The following CNTN5 variants were observed in gnomAD, a reference collection of about 807,000 sequenced individuals.
CNTN5 encodes the protein contactin 5.
CNTN5 carries 77 observed loss-of-function variants against 129.1 expected under a neutral mutation model. The observed-to-expected ratio is 0.60, with a 90% CI of 0.50 to 0.72. CNTN5 has a LOEUF of 0.72. Among genes scored for constraint, CNTN5 ranks in the 30% least tolerant of loss-of-function variants. The probability of loss-of-function intolerance (pLI) is 0.00; values close to 1 mark genes in which losing one functional copy is unlikely to be tolerated. For synonymous variants in CNTN5, 509 were observed against 465.6 expected, an observed-to-expected ratio of 1.09 and a Z score of -1.20; for missense variants, 1,478 against 1,328.8, an observed-to-expected ratio of 1.11 and a Z score of -1.75.
intron 9 of CNTN5, among the ~76,000 whole-genome samples, chr11:100,040,740 T>A (rs979985276): frequency 9.9e-5 from 15 of 152,198 alleles, no homozygotes; most frequent in South Asian, 2.1e-4. Flanking sequence ...GTGCTAGCAA[T>A]GAGCGAGACT....
chr11:99,221,090 C>T (rs1277156267), intron 1 of CNTN5, among the ~76,000 whole-genome samples: 1 of 151,824 alleles, frequency 6.6e-6, no homozygotes, highest in Non-Finnish European at 1.5e-5. Flanking sequence ...GAATTAAGAT[C>T]CAGAGGGTTA....
intron 2 of CNTN5, among the ~76,000 whole-genome samples, chr11:99,490,760 A>G (rs12290503): frequency 0.2 from 30,074 of 152,112 alleles, 3,160 homozygotes; most frequent in Admixed American, 0.24. Flanking sequence ...TGGTGAGTGA[A>G]GTGGAACAGT....
intron 4 of CNTN5, among the ~76,000 whole-genome samples, chr11:99,823,787 C>G (rs1406470241): frequency 6.6e-6 from 1 of 152,010 alleles, no homozygotes; most frequent in Admixed American, 6.6e-5. Flanking sequence ...TGGATTGTGT[C>G]TCACACTTTC....
rs536805150 is a variant in CNTN5 at position 100,042,227 on chromosome 11, C to CT, written c.981-18973dup. On this transcript the variant is annotated intron_variant, in intron 9 of 24. Coordinates refer to ENST00000524871, the MANE Select transcript of CNTN5 (RefSeq NM_014361.4). Reference sequence around the variant, plus strand: ...TTAGTGGTTTAGTTTTGTTCTCTCTCTTTTTTTTTTTTGAGATACAGAATC... The same window carrying CT: ...TTAGTGGTTTAGTTTTGTTCTCTCTCTTTTTTTTTTTTTGAGATACAGAATC... Among the ~76,000 whole-genome samples, 1,362 of 140,574 alleles carry CT rather than the reference C, an allele frequency of 9.7e-3. 21 individuals are homozygous for CT. The highest frequency in any genetic ancestry group is 0.064 in the East Asian group (310 of 4,878). 92.2% of individuals were successfully genotyped at this position (140,574 alleles called of 152,430 possible).
At position 99,984,989 on chromosome 11, in the gene CNTN5, C is replaced by T. The variant is rs559465255; in HGVS notation, c.878-17045C>T. Reference sequence around the variant, plus strand: ...TCCAGGTGCTGGCAGGAGCGAGCTCCATTTACTATCCTGCGGCAGTGCCCA... The same window carrying T: ...TCCAGGTGCTGGCAGGAGCGAGCTCTATTTACTATCCTGCGGCAGTGCCCA... On this transcript the variant is annotated intron_variant, in intron 8 of 24. Coordinates refer to ENST00000524871, the MANE Select transcript of CNTN5 (RefSeq NM_014361.4). Among the ~76,000 whole-genome samples the T allele has an allele frequency of 4.6e-5, 7 of 152,262 alleles. No homozygotes were observed. The East Asian group carries it at 1.4e-3, about 29-fold the overall frequency.
chr11:99,078,729 G>A (rs182333484), intron 1 of CNTN5, among the ~76,000 whole-genome samples: 6 of 152,126 alleles, frequency 3.9e-5, no homozygotes, highest in Admixed American at 3.3e-4. Flanking sequence ...ATTTGTGGGA[G>A]CTAAAAATTA....
At chr11:100,259,175 A>C (rs530932392) in intron 17 of CNTN5, among the ~76,000 whole-genome samples, 3 of 152,334 alleles carry the variant, frequency 2.0e-5, no homozygotes, top group African/African-American at 7.2e-5. Context: ...ACTTTAAACC[A>C]ACAAAGATCA....
chr11:99,314,782 A>T (rs1354382409), intron 1 of CNTN5, among the ~76,000 whole-genome samples: 1 of 149,704 alleles, frequency 6.7e-6, no homozygotes, highest in African/African-American at 2.4e-5. Context: ...GGAGGTGCAC[A>T]TGTGTAATTA....
At chr11:99,171,179 T>G (rs752553623) in intron 1 of CNTN5, among the ~76,000 whole-genome samples, 2 of 152,188 alleles carry the variant, frequency 1.3e-5, no homozygotes, top group Non-Finnish European at 2.9e-5. Flanking sequence ...CTTGAATGCT[T>G]AACTTTATTT....
chr11:99,915,970 A>G (rs1045869763), intron 6 of CNTN5, 84 bp from the exon 7 acceptor site: 3 of 1,064,904 alleles, frequency 2.8e-6, no homozygotes, highest in East Asian at 5.2e-5. Context: ...GAAGATAACG[A>G]TAGAAAGTAA....
At chr11:100,258,822 A>T (rs1357794660) in intron 17 of CNTN5, among the ~76,000 whole-genome samples, 1 of 152,152 alleles carries the variant, frequency 6.6e-6, no homozygotes, top group Non-Finnish European at 1.5e-5. Flanking sequence ...GAAAAAACCC[A>T]TACAGCCTCT....
intron 17 of CNTN5, among the ~76,000 whole-genome samples, chr11:100,256,472 T>A (rs1453856338): frequency 6.6e-6 from 1 of 152,178 alleles, no homozygotes; most frequent in Non-Finnish European, 1.5e-5. Flanking sequence ...TAGTCATACA[T>A]CTCTTTTATT....
At chr11:99,555,078 A>G (rs989559370) in intron 2 of CNTN5, among the ~76,000 whole-genome samples, 1 of 152,040 alleles carries the variant, frequency 6.6e-6, no homozygotes, top group Non-Finnish European at 1.5e-5. Flanking sequence ...AATGGAAGTA[A>G]CTTCATTTAG....
chr11:99,514,058 A>G (rs1176920188), intron 2 of CNTN5, among the ~76,000 whole-genome samples: 1 of 152,168 alleles, frequency 6.6e-6, no homozygotes, highest in East Asian at 1.9e-4. Context: ...AAATATGAAC[A>G]TTAACAAGGG....
At chr11:99,382,092 T>G (rs1487513124) in intron 2 of CNTN5, among the ~76,000 whole-genome samples, 1 of 152,190 alleles carries the variant, frequency 6.6e-6, no homozygotes, top group Non-Finnish European at 1.5e-5. Flanking sequence ...AAAATCATAT[T>G]TACATCCTTG....
intron 1 of CNTN5, among the ~76,000 whole-genome samples, chr11:99,054,644 C>T (rs1864559416): frequency 6.6e-6 from 1 of 151,670 alleles, no homozygotes; most frequent in African/African-American, 2.4e-5. Context: ...TCCTTAAAAA[C>T]TTATCTTCTT....
chr11:100,127,651 C>CTT (rs66468227), intron 13 of CNTN5, among the ~76,000 whole-genome samples: 9,422 of 81,182 alleles, frequency 0.12, 1,274 homozygotes, highest in African/African-American at 0.21. Context: ...TTCTTTCTTT[C>CTT]TTTTTTTTTT....
At chr11:99,270,450 C>T (rs1342146870) in intron 1 of CNTN5, among the ~76,000 whole-genome samples, 2 of 151,754 alleles carry the variant, frequency 1.3e-5, no homozygotes, top group African/African-American at 4.8e-5. Flanking sequence ...GAGACCTAAC[C>T]CCAAAACCTT....
At chr11:99,968,829 C>G (rs1333130751) in intron 8 of CNTN5, among the ~76,000 whole-genome samples, 2 of 151,540 alleles carry the variant, frequency 1.3e-5, no homozygotes, top group African/African-American at 4.8e-5. Context: ...CAGGAACACT[C>G]CTATTGGGAT....
Sources: gnomAD v4.1 joint callset for allele counts (sites outside exome capture counted in the v4.1 genomes callset) on GRCh38, gnomAD v4.1.1 for gene constraint, MANE v1.5 for transcripts, NCBI Gene and HGNC (gene_info 2026-07-23, HGNC 2026-07-21) for gene names.